Variants in TMEM117 observed in about 807,000 individuals in gnomAD.
The protein encoded by TMEM117 is transmembrane protein 117.
Under a neutral mutation model 52.4 loss-of-function variants are expected in TMEM117, and 27 were observed. The observed-to-expected ratio is 0.51, with a 90% CI of 0.38 to 0.71. The LOEUF is 0.71. TMEM117 is among the 30% of genes least tolerant of loss of function. TMEM117 has a pLI of 0.00. For missense variants in TMEM117, 556 were observed against 630.5 expected, an observed-to-expected ratio of 0.88 and a Z score of 1.26; for synonymous variants, 215 against 206.3, an observed-to-expected ratio of 1.04 and a Z score of -0.36.
At chr12:43,932,365 A>G (rs1324361302) in intron 2 of TMEM117, among the ~76,000 whole-genome samples, 6 of 137,720 alleles carry the variant, frequency 4.4e-5, no homozygotes, top group Non-Finnish European at 1.6e-5. Context: ...AGAACTGGAT[A>G]CTTTTTGTTT....
the TMEM117 span, chr12:43,804,210 C>A: frequency 2.1e-6 from 1 of 466,770 alleles, no homozygotes; most frequent in Non-Finnish European, 4.2e-6. Flanking sequence ...GATGGAAGCA[C>A]TGACATTAGA....
rs184092914 is a variant in TMEM117 at position 44,298,384 on chromosome 12, T to C, written c.609-1196T>C. On this transcript the variant is annotated intron_variant, in intron 5 of 7. Coordinates refer to ENST00000266534, the MANE Select transcript of TMEM117 (RefSeq NM_032256.3). ...CTTTATTTCCCTTTTCTTTCTTGCA[T>C]TTTTATCTGATTAAATTTATTTCAA... Among the ~76,000 whole-genome samples the C allele has an allele frequency of 3.5e-4, 53 of 150,348 alleles. 7 individuals are homozygous for C. The highest frequency in any genetic ancestry group is 1.2e-3 in the African/African-American group (49 of 39,714).
intron 2 of TMEM117, among the ~76,000 whole-genome samples, chr12:43,898,848 C>T (rs1944257820): frequency 6.6e-6 from 1 of 152,184 alleles, no homozygotes; most frequent in Admixed American, 6.5e-5. Context: ...GTAGGATTGG[C>T]TCTGAGACAA....
At chr12:44,005,791 G>A (rs745577773) in intron 3 of TMEM117, among the ~76,000 whole-genome samples, 6 of 152,106 alleles carry the variant, frequency 3.9e-5, no homozygotes, top group Non-Finnish European at 5.9e-5. Flanking sequence ...TGAATAATGG[G>A]GGCGGGTCTT....
chr12:44,100,289 T>C (rs1947839954), intron 3 of TMEM117, among the ~76,000 whole-genome samples: 1 of 152,044 alleles, frequency 6.6e-6, no homozygotes, highest in South Asian at 2.1e-4. Flanking sequence ...TGACATTATA[T>C]ATATAAAAGA....
intron 6 of TMEM117, among the ~76,000 whole-genome samples, chr12:44,333,757 A>T (rs1951303626): frequency 6.6e-6 from 1 of 151,976 alleles, no homozygotes; most frequent in Admixed American, 6.6e-5. Context: ...AAACTAATAC[A>T]CATAGGTACA....
chr12:44,217,992 G>A (rs1216740820), intron 5 of TMEM117, among the ~76,000 whole-genome samples: 2 of 152,124 alleles, frequency 1.3e-5, no homozygotes. Context: ...GGGAGGACGA[G>A]GTGGGCAGAT....
intron 5 of TMEM117, among the ~76,000 whole-genome samples, chr12:44,276,812 T>A (rs547581960): frequency 6.6e-6 from 1 of 152,182 alleles, no homozygotes; most frequent in East Asian, 1.9e-4. Flanking sequence ...AATTTAAAAA[T>A]TAATTAGTGT....
At chr12:44,060,189 G>A (rs1225738825) in intron 3 of TMEM117, among the ~76,000 whole-genome samples, 1 of 152,144 alleles carries the variant, frequency 6.6e-6, no homozygotes, top group African/African-American at 2.4e-5. Context: ...CTTCATAGAT[G>A]TTTGATTTTT....
chr12:44,011,134 G>A (rs931155702), intron 3 of TMEM117, among the ~76,000 whole-genome samples: 2 of 152,004 alleles, frequency 1.3e-5, no homozygotes, highest in East Asian at 1.9e-4. Flanking sequence ...CACTTTTGAA[G>A]AATAATTTCA....
chr12:44,015,800 C>T (rs1007468540), intron 3 of TMEM117, among the ~76,000 whole-genome samples: 60 of 151,944 alleles, frequency 3.9e-4, no homozygotes, highest in African/African-American at 1.4e-3. Context: ...TGAAGGGAAG[C>T]AACAATAACA....
intron 2 of TMEM117, among the ~76,000 whole-genome samples, chr12:43,865,705 AAAAAAAG>A (rs1006666919): frequency 6.9e-6 from 1 of 145,650 alleles, no homozygotes; most frequent in African/African-American, 2.8e-5. Context: ...CCAAAAAAAG[AAAAAAAG>A]AAAAAAAAAA....
intron 5 of TMEM117, among the ~76,000 whole-genome samples, chr12:44,227,896 T>G (rs191959729): frequency 2.6e-5 from 4 of 152,182 alleles, no homozygotes; most frequent in Admixed American, 6.5e-5. Flanking sequence ...ACACAGCATG[T>G]GGCTACTAAA....
chr12:44,312,096 G>T (rs974950005), intron 6 of TMEM117, among the ~76,000 whole-genome samples: 14 of 151,604 alleles, frequency 9.2e-5, no homozygotes, highest in African/African-American at 2.9e-4. Context: ...AGGTACTTGT[G>T]CAGGTTTGTT....
chr12:44,023,993 T>G (rs886622263), intron 3 of TMEM117, among the ~76,000 whole-genome samples: 5 of 152,154 alleles, frequency 3.3e-5, no homozygotes, highest in Non-Finnish European at 5.9e-5. Flanking sequence ...ACCCATGGAT[T>G]TAACTATTAT....
At chr12:44,137,541 C>G (rs1948508925) in intron 3 of TMEM117, among the ~76,000 whole-genome samples, 1 of 152,078 alleles carries the variant, frequency 6.6e-6, no homozygotes, top group Non-Finnish European at 1.5e-5. Flanking sequence ...CTGATAAAGA[C>G]ATACCTGATA....
At chr12:44,234,711 A>G (rs1299908125) in intron 5 of TMEM117, among the ~76,000 whole-genome samples, 1 of 151,362 alleles carries the variant, frequency 6.6e-6, no homozygotes, top group African/African-American at 2.4e-5. Flanking sequence ...TTTTTCATAT[A>G]TGCATTTCAG....
chr12:43,899,545 T>A (rs1471465871), intron 2 of TMEM117, among the ~76,000 whole-genome samples: 1 of 152,144 alleles, frequency 6.6e-6, no homozygotes, highest in East Asian at 1.9e-4. Flanking sequence ...CATATTGGAG[T>A]CCTGGGGAGT....
At chr12:44,236,343 A>G (rs1031421484) in intron 5 of TMEM117, among the ~76,000 whole-genome samples, 3 of 151,942 alleles carry the variant, frequency 2.0e-5, no homozygotes, top group African/African-American at 7.2e-5. Context: ...TCTCCATGCT[A>G]TGCTTTCAAT....
Sources: gnomAD v4.1 joint callset for allele counts (sites outside exome capture counted in the v4.1 genomes callset) on GRCh38, gnomAD v4.1.1 for gene constraint, MANE v1.5 for transcripts, NCBI Gene and HGNC (gene_info 2026-07-23, HGNC 2026-07-21) for gene names.